The following UBR7 variants were observed in gnomAD, a reference collection of about 807,000 sequenced individuals.
UBR7 encodes the protein putative E3 ubiquitin-protein ligase UBR7.
In UBR7, 22 loss-of-function variants were observed where a neutral mutation model predicts 57.0. The observed-to-expected ratio is 0.39, with a 90% confidence interval of 0.28 to 0.55. The LOEUF (loss-of-function observed/expected upper bound fraction) is 0.55, where lower values mean the gene tolerates loss of function less well. Ranked by LOEUF, UBR7 falls within the 20% of genes least tolerant of loss-of-function variation. The pLI, the probability that UBR7 is intolerant of heterozygous loss-of-function variation, is 0.69. For missense variants in UBR7, 395 were observed against 513.2 expected, an observed-to-expected ratio of 0.77 and a Z score of 2.23; for synonymous variants, 167 against 179.8, an observed-to-expected ratio of 0.93 and a Z score of 0.57.
intron 6 of UBR7, among the ~76,000 whole-genome samples, chr14:93,217,003 A>G (rs574414654): frequency 6.6e-6 from 1 of 151,972 alleles, no homozygotes; most frequent in South Asian, 2.1e-4. Context: ...TGCTGAACCT[A>G]TCTATGTGTA....
At chr14:93,208,907 C>CAAGGCTAAGA (rs1894425148) in intron 1 of UBR7, among the ~76,000 whole-genome samples, 1 of 152,078 alleles carries the variant, frequency 6.6e-6, no homozygotes, top group Non-Finnish European at 1.5e-5. Flanking sequence ...AAGTGATTCT[C>CAAGGCTAAGA]CTGTCTTAGC....
At chr14:93,219,618 A>G (rs1316153473) in intron 8 of UBR7, among the ~76,000 whole-genome samples, 1 of 152,224 alleles carries the variant, frequency 6.6e-6, no homozygotes. Context: ...AAATTTACTT[A>G]TTTTAATTTT....
In UBR7 at chr14:93,228,011, A is replaced by C. The variant is rs914409442; in HGVS notation, c.*976A>C. On this transcript the variant is annotated 3_prime_UTR_variant, in exon 11 of 11. Transcript: ENST00000013070. The stretch of plus-strand genomic sequence containing the variant: ...ATAAATTATTATTTTTCCCCCTTGA[A>C]TCTGCTAAAGAAAACAGATCCTGAC... The C allele has an allele frequency of 2.9e-6, 2 of 698,436 alleles. No homozygotes were observed. The highest frequency in any genetic ancestry group is 1.8e-5 in the African/African-American group (1 of 57,078). 43.3% of individuals were successfully genotyped at this position (698,436 alleles called of 1,614,324 possible).
chr14:93,209,722 A>G, intron 1 of UBR7, 102 bp from the exon 2 acceptor site: 1 of 1,431,260 alleles, frequency 7.0e-7, no homozygotes. Flanking sequence ...AAAGATCTTG[A>G]CCACAGATAA....
Position 93,227,232 on chromosome 14 carries a change from C to CATT in UBR7, c.*197_*198insATT. The stretch of plus-strand genomic sequence containing the variant: ...ACAGCCAGCGTCCTCTGTGACTCAG[C>CATT]TGATGCAGCTCATTCCACAGACTTC... On this transcript the variant is annotated 3_prime_UTR_variant, in exon 11 of 11. Transcript: ENST00000013070. The CATT allele has an allele frequency of 1.6e-6, 1 of 632,178 alleles. No individual in the cohort carries two copies. The allele number at this position is 632,178 out of a possible 1,614,324, so 39.2% of individuals were successfully genotyped here.
Position 93,212,110 on chromosome 14 carries a change from C to T in UBR7, c.424C>T (p.Pro142Ser). The change falls in exon 4 of 11, where the codon CCT (proline) becomes TCT (serine). Residue 142 changes from proline to serine, a missense_variant. Transcript: ENST00000013070. ...GTACTGCATTTGCAAGAGACCTTAT[C>T]CTGATCCTGAAGACGAGGTAAGAGA... ...GLYCICKRPY[P>S]DPEDEIPDEM... is the part of the protein sequence containing the mutation. The T allele has an allele frequency of 6.2e-7, 1 of 1,612,052 alleles. No individual in the cohort carries two copies. The highest frequency in any genetic ancestry group is 8.5e-7 in the Non-Finnish European group (1 of 1,178,766).
rs1213314821 is a variant in UBR7, at chr14:93,207,423, G to T, written c.132G>T (p.Glu44Asp). ...CTGTCCTGGGCGGCAGCGACTCCGA[G>T]AAGTGCTCCTACTCTCAGGTGGGCG... ...ACAVLGGSDS[E>D]KCSYSQGSVK... Residue 44 changes from glutamate (E) to aspartate (D), a missense_variant, in exon 1 of 11, where the codon GAG (glutamate) becomes GAT (aspartate). Transcript: ENST00000013070. 1.3e-6 allele frequency: 2 copies of T among 1,555,090 alleles called. No homozygotes were observed. The highest frequency in any genetic ancestry group is 2.0e-5 in the Admixed American group (1 of 50,814).
rs1297318644 is a variant in UBR7, at chr14:93,227,988, A to G, written c.*953A>G. 1.4e-6 allele frequency: 1 copy of G among 699,522 alleles called. No homozygotes were observed. Among genetic ancestry groups the G allele is most frequent in the Admixed American group, 2.0e-5 (1 of 49,912 alleles). The allele number at this position is 699,522 out of a possible 1,614,324, so 43.3% of individuals were successfully genotyped here. ...ATGAAAATGTTATTAGAACCCCAAT[A>G]AATTATTATTTTTCCCCCTTGAATC... On this transcript the variant is annotated 3_prime_UTR_variant, in exon 11 of 11. Coordinates refer to ENST00000013070, the MANE Select transcript of UBR7 (RefSeq NM_175748.4).
At chr14:93,217,628 G>A (rs933906106) in intron 6 of UBR7, among the ~76,000 whole-genome samples, 2 of 152,084 alleles carry the variant, frequency 1.3e-5, no homozygotes, top group Non-Finnish European at 2.9e-5. Flanking sequence ...TCTCCTTTAT[G>A]TGTAAAGTGC....
rs1435364640 is a variant in UBR7, at chr14:93,227,216, G to A, written c.*181G>A. On this transcript the variant is annotated 3_prime_UTR_variant, in exon 11 of 11. Coordinates refer to ENST00000013070, the MANE Select transcript of UBR7 (RefSeq NM_175748.4). ...TGTGGATGCTGACTTCACAGCCAGCGTCCTCTGTGACTCAGCTGATGCAGC... is the reference window on the plus strand; with the variant it reads ...TGTGGATGCTGACTTCACAGCCAGCATCCTCTGTGACTCAGCTGATGCAGC... The A allele has an allele frequency of 3.4e-5, 22 of 638,200 alleles. No homozygotes were observed. Among genetic ancestry groups the A allele is most frequent in the Non-Finnish European group, 3.8e-5 (13 of 346,106 alleles). The allele number at this position is 638,200 out of a possible 1,614,324, so 39.5% of individuals were successfully genotyped here. A position where few individuals can be genotyped will look rare whatever the true frequency, so the allele number is the denominator to read the frequency against.
intron 9 of UBR7, 56 bp downstream of exon 9, chr14:93,220,467 T>C (rs553380539): frequency 1.3e-6 from 2 of 1,599,280 alleles, no homozygotes; most frequent in East Asian, 2.2e-5. Flanking sequence ...TAAAAAAATA[T>C]AAAGGGGGCA....
rs571924450 is a variant in UBR7, at chr14:93,228,461, C to A, written c.*1426C>A. On this transcript the variant is annotated 3_prime_UTR_variant, in exon 11 of 11. Transcript: ENST00000013070. ...CTTATGTGTCCAGCATCTGTGTATTCATTCGAGTGCCCAATCCCTGGATGA... is the reference window on the plus strand; with the variant it reads ...CTTATGTGTCCAGCATCTGTGTATTAATTCGAGTGCCCAATCCCTGGATGA... The A allele has an allele frequency of 3.6e-4, 162 of 454,118 alleles. 2 individuals carry two copies. The highest frequency in any genetic ancestry group is 3.0e-3 in the African/African-American group (152 of 50,120). The allele number at this position is 454,118 out of a possible 1,614,324, so 28.1% of individuals were successfully genotyped here. A position where few individuals can be genotyped will look rare whatever the true frequency, so the allele number is the denominator to read the frequency against.
chr14:93,207,503 G>T, intron 1 of UBR7, 62 bp downstream of exon 1: 2 of 1,480,304 alleles, frequency 1.4e-6, no homozygotes, highest in East Asian at 2.5e-5. Context: ...TTCCCGGCCC[G>T]GCTGTCCCTA....
chr14:93,222,432 T>C (rs990156192), intron 10 of UBR7, 58 bp downstream of exon 10: 4 of 1,303,834 alleles, frequency 3.1e-6, no homozygotes, highest in Middle Eastern at 1.8e-4. Flanking sequence ...GAAGGGTTTA[T>C]TTCCTTTGAC....
chr14:93,223,896 A>G (rs994848304), intron 10 of UBR7: 5 of 732,468 alleles, frequency 6.8e-6, no homozygotes, highest in Admixed American at 3.7e-5. Context: ...TAGCTCAGCC[A>G]GATGCCGAAG....
intron 1 of UBR7, among the ~76,000 whole-genome samples, chr14:93,208,525 C>A: frequency 6.6e-6 from 1 of 150,428 alleles, no homozygotes; most frequent in African/African-American, 2.4e-5. Context: ...AGTGTAGTTA[C>A]CTTTATAAAA....
At chr14:93,222,774 G>A (rs1230656211) in intron 10 of UBR7, among the ~76,000 whole-genome samples, 2 of 152,088 alleles carry the variant, frequency 1.3e-5, no homozygotes, top group Non-Finnish European at 2.9e-5. Flanking sequence ...ACTTAAGTGG[G>A]TACTTGAGAG....
Position 93,222,453 on chromosome 14 carries a change from G to A in UBR7, c.1185+79G>A, listed in dbSNP as rs556317369. 5 of 1,122,244 alleles carry A rather than the reference G, an allele frequency of 4.5e-6. No homozygotes were observed. In the African/African-American group the frequency reaches 6.1e-5, roughly 14 times the overall value. 69.5% of individuals were successfully genotyped at this position (1,122,244 alleles called of 1,614,324 possible). A position where few individuals can be genotyped will look rare whatever the true frequency, so the allele number is the denominator to read the frequency against. ...TTTATTTCCTTTGACGATTAAAAAT[G>A]ACTGCGACTGGCGGGGTGCGGTGGC... On this transcript the variant is annotated intron_variant, in intron 10 of 10. Transcript: ENST00000013070.
At chr14:93,211,417 C>T (rs146455939) in intron 3 of UBR7, among the ~76,000 whole-genome samples, 3,558 of 144,970 alleles carry the variant, frequency 0.025, 144 homozygotes, top group African/African-American at 0.083. Flanking sequence ...CATGGTGGTG[C>T]GTGCCTGTAA....
Sources: allele counts gnomAD v4.1 joint callset (sites outside exome capture counted in the v4.1 genomes callset), GRCh38; gene constraint gnomAD v4.1.1; transcripts MANE v1.5; gene names NCBI Gene and HGNC (gene_info 2026-07-23, HGNC 2026-07-21).